Variants in GALNT13 observed in about 807,000 individuals in gnomAD.
GALNT13 encodes the protein polypeptide N-acetylgalactosaminyltransferase 13.
A neutral mutation model predicts 64.2 loss-of-function variants in GALNT13; 28 were observed. The ratio of observed to expected loss-of-function variants is 0.44; its 90% CI spans 0.32 to 0.60. GALNT13 has a LOEUF of 0.60. Ranked by LOEUF, GALNT13 falls within the 20% of genes least tolerant of loss-of-function variation. GALNT13 has a pLI of 0.05. For missense variants in GALNT13, 577 were observed against 669.8 expected (o/e 0.86, Z 1.53); for synonymous variants, 214 against 224.6 (o/e 0.95, Z 0.42).
the GALNT13 span, among the ~76,000 whole-genome samples, chr2:153,742,589 C>CT: frequency 6.6e-6 from 1 of 152,048 alleles, no homozygotes; most frequent in Non-Finnish European, 1.5e-5. Flanking sequence ...TATGCTTCCC[C>CT]TTTTTCAGTT....
the GALNT13 span, among the ~76,000 whole-genome samples, chr2:153,609,426 C>G: frequency 1.3e-5 from 2 of 151,974 alleles, no homozygotes; most frequent in African/African-American, 4.8e-5. Context: ...TTGAGAGAAC[C>G]CTGCCACCCC....
At chr2:153,247,498 C>G in the GALNT13 span, among the ~76,000 whole-genome samples, 1 of 152,174 alleles carries the variant, frequency 6.6e-6, no homozygotes, top group Non-Finnish European at 1.5e-5. Context: ...CAAAACTGCA[C>G]AACTACATGG....
At chr2:154,205,997 T>G (rs1165776570) in intron 4 of GALNT13, among the ~76,000 whole-genome samples, 1 of 151,718 alleles carries the variant, frequency 6.6e-6, no homozygotes, top group Non-Finnish European at 1.5e-5. Flanking sequence ...CCTTTTATTA[T>G]TATTATTATT....
the GALNT13 span, among the ~76,000 whole-genome samples, chr2:153,284,195 ACC>A: frequency 6.6e-6 from 1 of 152,062 alleles, no homozygotes; most frequent in African/African-American, 2.4e-5. Flanking sequence ...TGGCTGGGGC[ACC>A]CAGCAATACA....
At chr2:154,004,292 A>G (rs953748549) in intron 3 of GALNT13, among the ~76,000 whole-genome samples, 37 of 151,528 alleles carry the variant, frequency 2.4e-4, no homozygotes, top group African/African-American at 8.5e-4. Context: ...TGCAACCTCC[A>G]CCTCCCAGGT....
chr2:154,147,602 CTT>C (rs758476793), intron 4 of GALNT13, among the ~76,000 whole-genome samples: 2 of 151,976 alleles, frequency 1.3e-5, no homozygotes, highest in South Asian at 2.1e-4. Context: ...CAATGAAACT[CTT>C]TGCTAGGAAT....
At chr2:153,427,829 T>C in the GALNT13 span, among the ~76,000 whole-genome samples, 1 of 152,294 alleles carries the variant, frequency 6.6e-6, no homozygotes, top group South Asian at 2.1e-4. Context: ...CCTCACATAT[T>C]ATATAGTTTT....
the GALNT13 span, among the ~76,000 whole-genome samples, chr2:153,469,557 C>T: frequency 3.3e-5 from 5 of 152,128 alleles, no homozygotes; most frequent in East Asian, 9.7e-4. Flanking sequence ...GGTTCAATTT[C>T]CATGCGCATG....
chr2:153,748,423 C>T, the GALNT13 span, among the ~76,000 whole-genome samples: 1 of 152,150 alleles, frequency 6.6e-6, no homozygotes, highest in Non-Finnish European at 1.5e-5. Flanking sequence ...CTTTTCTCCA[C>T]ATCCTCACCA....
chr2:153,838,088 T>C, the GALNT13 span, among the ~76,000 whole-genome samples: 10 of 152,180 alleles, frequency 6.6e-5, no homozygotes, highest in Middle Eastern at 6.8e-3. Flanking sequence ...TTCAGGTCCT[T>C]TGTCCATTTT....
intron 9 of GALNT13, among the ~76,000 whole-genome samples, chr2:154,383,324 T>C (rs936735638): frequency 2.6e-5 from 4 of 151,894 alleles, no homozygotes; most frequent in African/African-American, 9.7e-5. Flanking sequence ...ATAGTAGCAC[T>C]CAGTAAAAGG....
the GALNT13 span, among the ~76,000 whole-genome samples, chr2:153,481,802 G>A: frequency 6.6e-6 from 1 of 152,122 alleles, no homozygotes; most frequent in African/African-American, 2.4e-5. Context: ...AGTAGGACCA[G>A]ATACTCAATG....
the GALNT13 span, among the ~76,000 whole-genome samples, chr2:153,526,519 T>A: frequency 2.0e-5 from 3 of 152,172 alleles, no homozygotes; most frequent in Admixed American, 1.3e-4. Context: ...AAAGCAGATA[T>A]AGCTTATATC....
intron 4 of GALNT13, among the ~76,000 whole-genome samples, chr2:154,146,941 C>G (rs1683640237): frequency 6.6e-6 from 1 of 152,012 alleles, no homozygotes; most frequent in Admixed American, 6.6e-5. Context: ...CTATGAAGGT[C>G]TCCGTTCATG....
intron 9 of GALNT13, among the ~76,000 whole-genome samples, chr2:154,307,708 G>A (rs1231250389): frequency 2.0e-5 from 3 of 151,832 alleles, no homozygotes; most frequent in East Asian, 1.9e-4. Context: ...GATTTTTAAA[G>A]CCCTGTAGGC....
At chr2:153,392,208 C>T in the GALNT13 span, among the ~76,000 whole-genome samples, 2 of 150,812 alleles carry the variant, frequency 1.3e-5, no homozygotes, top group African/African-American at 4.9e-5. Flanking sequence ...CTGTAAATTT[C>T]ACAAATAACC....
chr2:153,785,983 A>T, the GALNT13 span, among the ~76,000 whole-genome samples: 1 of 151,734 alleles, frequency 6.6e-6, no homozygotes, highest in East Asian at 2.0e-4. Flanking sequence ...CTCCCCAACG[A>T]GCAGGGCCCC....
chr2:153,360,094 C>T, the GALNT13 span, among the ~76,000 whole-genome samples: 1 of 152,148 alleles, frequency 6.6e-6, no homozygotes, highest in African/African-American at 2.4e-5. Context: ...CTGAGGTATC[C>T]AAGTTTCTGT....
intron 9 of GALNT13, among the ~76,000 whole-genome samples, chr2:154,322,788 G>A (rs960709853): frequency 8.6e-5 from 13 of 151,980 alleles, no homozygotes; most frequent in Admixed American, 7.9e-4. Context: ...GGCTGGACTC[G>A]ACTGGATGAT....
Sources: allele counts gnomAD v4.1 joint callset (sites outside exome capture counted in the v4.1 genomes callset), GRCh38; gene constraint gnomAD v4.1.1; transcripts MANE v1.5; gene names NCBI Gene and HGNC (gene_info 2026-07-23, HGNC 2026-07-21).